DCAKD: variants seen among roughly 807,000 people sequenced by gnomAD.
The protein encoded by DCAKD is dephospho-CoA kinase domain containing.
A neutral mutation model predicts 18.7 loss-of-function variants in DCAKD; 15 were observed. That is an observed-to-expected ratio of 0.80 (90% confidence interval 0.54 to 1.24). The LOEUF (loss-of-function observed/expected upper bound fraction) is 1.24. Among genes scored for constraint, DCAKD ranks in the 50% most tolerant of loss-of-function variants. DCAKD has a pLI of 0.00. For synonymous variants in DCAKD, 130 were observed against 133.0 expected, an observed-to-expected ratio of 0.98 and a Z score of 0.16; for missense variants, 301 against 322.0, an observed-to-expected ratio of 0.93 and a Z score of 0.50.
intron 4 of DCAKD, among the ~76,000 whole-genome samples, chr17:45,027,143 C>T (rs1176869916): frequency 6.6e-6 from 1 of 152,140 alleles, no homozygotes; most frequent in Admixed American, 6.5e-5. Flanking sequence ...GAGCTTGAGA[C>T]CAGCCTGGGC....
upstream of DCAKD, chr17:45,054,076 A>C (rs1182751982): frequency 1.9e-6 from 1 of 518,848 alleles, no homozygotes; most frequent in East Asian, 5.5e-5. Context: ...TCCTGACTTC[A>C]ACAGTCAAGG....
chr17:45,028,257 C>T (rs1597940960), intron 4 of DCAKD, among the ~76,000 whole-genome samples: 2 of 151,378 alleles, frequency 1.3e-5, no homozygotes, highest in Admixed American at 1.3e-4. Flanking sequence ...TACAGGCGCC[C>T]ACCATGATGC....
chr17:45,029,878 A>C (rs2143193542), intron 4 of DCAKD, among the ~76,000 whole-genome samples: 3 of 149,860 alleles, frequency 2.0e-5, no homozygotes, highest in East Asian at 4.2e-4. Flanking sequence ...CCCAAACACT[A>C]GAGAAGCCCG....
intron 3 of DCAKD, chr17:45,031,372 C>T (rs138607080): frequency 2.0e-6 from 2 of 983,184 alleles, no homozygotes; most frequent in Non-Finnish European, 1.2e-6. Context: ...GTAGCCCCCC[C>T]ACCTTCCCCA....
Position 45,051,557 on chromosome 17 carries a change from CGCCTCCGCCGTGGCCCAG to C in DCAKD, c.-329_-312del, listed in dbSNP as rs1302234028. ...CCCGCGTGGCGCGCTACGTACCCAG[CGCCTCCGCCGTGGCCCAG>C]GCCTCCGCCTCTAGCCCAATCTCCG... On this transcript the variant is annotated 5_prime_UTR_variant, in exon 1 of 5. Transcript: ENST00000651974. 1 of 151,410 alleles carries C rather than the reference CGCCTCCGCCGTGGCCCAG, an allele frequency of 6.6e-6. No homozygotes were observed. The highest frequency in any genetic ancestry group is 1.5e-5 in the Non-Finnish European group (1 of 67,830). The allele number at this position is 151,410 out of a possible 1,614,324, so 9.4% of individuals were successfully genotyped here.
At chr17:45,049,713 C>CTTTTTTTTTTTTTT (rs57106886) in intron 1 of DCAKD, among the ~76,000 whole-genome samples, 9 of 111,870 alleles carry the variant, frequency 8.0e-5, no homozygotes, top group Admixed American at 3.5e-4. Context: ...TTTTCTTTTC[C>CTTTTTTTTTTTTTT]TTTTTTTTTT....
upstream of DCAKD, among the ~76,000 whole-genome samples, chr17:45,055,604 C>T (rs141408406): frequency 1.3e-4 from 20 of 152,208 alleles, no homozygotes; most frequent in African/African-American, 4.8e-4. Context: ...AAGTCTCAGG[C>T]ACCTGGACTT....
At position 45,044,725 on chromosome 17, in the gene DCAKD, AAATAAAT is replaced by A. The variant is rs1394585161; in HGVS notation, c.-115+6629_-115+6635del. Reference sequence around the variant, plus strand: ...TAAATAAATAAATAAATAAATAAATAAATAAATAAATAAAAGCTGTGGCAGAAGAGTT... The same window carrying A: ...TAAATAAATAAATAAATAAATAAATAAAATAAAAGCTGTGGCAGAAGAGTT... On this transcript the variant is annotated intron_variant, in intron 1 of 4. Coordinates refer to ENST00000651974, the MANE Select transcript of DCAKD (RefSeq NM_001288655.2). 1.5e-4 allele frequency among the ~76,000 whole-genome samples: 19 copies of A among 129,932 alleles called. No individual in the cohort carries two copies. In the East Asian group the frequency reaches 4.6e-3, roughly 32 times the overall value. The allele number at this position is 129,932 out of a possible 152,430, so 85.2% of individuals were successfully genotyped here. A position where few individuals can be genotyped will look rare whatever the true frequency, so the allele number is the denominator to read the frequency against.
chr17:45,057,394 A>G (rs547125647), intron 1 of DCAKD, among the ~76,000 whole-genome samples: 1 of 151,750 alleles, frequency 6.6e-6, no homozygotes, highest in South Asian at 2.1e-4. Flanking sequence ...TTCACAAACC[A>G]AAATTGTTTC....
intron 4 of DCAKD, chr17:45,026,708 C>T (rs1380543844): frequency 1.0e-6 from 1 of 985,278 alleles, no homozygotes; most frequent in African/African-American, 1.7e-5. Flanking sequence ...ATTATACGAG[C>T]TATAGATTTC....
At chr17:45,053,483 A>C (rs988362257), upstream of DCAKD, among the ~76,000 whole-genome samples, 1 of 151,910 alleles carries the variant, frequency 6.6e-6, no homozygotes. Context: ...GTGCAGTGGC[A>C]TGATCTCGGC....
At chr17:45,053,274 T>TTTGC (rs2053745722), upstream of DCAKD, among the ~76,000 whole-genome samples, 2 of 148,380 alleles carry the variant, frequency 1.3e-5, no homozygotes, top group African/African-American at 2.5e-5. Flanking sequence ...TGTTTGTTTG[T>TTTGC]TGAGACAGAG....
upstream of DCAKD, among the ~76,000 whole-genome samples, chr17:45,052,993 G>T (rs1043000134): frequency 6.7e-6 from 1 of 149,656 alleles, no homozygotes; most frequent in African/African-American, 2.5e-5. Flanking sequence ...GCAAAATCCC[G>T]TCTCTACTAA....
intron 1 of DCAKD, among the ~76,000 whole-genome samples, chr17:45,038,343 T>C (rs896352572): frequency 2.0e-5 from 3 of 152,056 alleles, no homozygotes; most frequent in African/African-American, 7.2e-5. Flanking sequence ...AGTTCTGATG[T>C]GTAACAGCGC....
intron 3 of DCAKD, chr17:45,032,107 C>T (rs1369552741): frequency 1.0e-6 from 1 of 985,412 alleles, no homozygotes. Flanking sequence ...CGAAGCCCTG[C>T]AGATATACCA....
intron 3 of DCAKD, chr17:45,032,125 G>A: frequency 3.0e-6 from 3 of 985,560 alleles, no homozygotes; most frequent in Non-Finnish European, 3.6e-6. Context: ...CCAGTAACTG[G>A]CATGGGAGAG....
intron 1 of DCAKD, among the ~76,000 whole-genome samples, chr17:45,042,243 C>T (rs2053456309): frequency 6.6e-6 from 1 of 152,208 alleles, no homozygotes; most frequent in Admixed American, 6.5e-5. Flanking sequence ...CATCTCTCAC[C>T]ACTCCCTTTA....
chr17:45,055,313 C>T (rs2053769121), upstream of DCAKD, among the ~76,000 whole-genome samples: 1 of 152,128 alleles, frequency 6.6e-6, no homozygotes, highest in African/African-American at 2.4e-5. Context: ...ACCCTGAGTC[C>T]ATTAGAGATG....
chr17:45,030,235 TGATGATA>T, intron 3 of DCAKD, 56 bp from the exon 4 acceptor site: 1 of 1,514,468 alleles, frequency 6.6e-7, no homozygotes, highest in Non-Finnish European at 9.2e-7. Flanking sequence ...CACTGAGGAC[TGATGATA>T]TGCTGGGCCC....
Sources: gnomAD v4.1 joint callset for allele counts (sites outside exome capture counted in the v4.1 genomes callset) on GRCh38, gnomAD v4.1.1 for gene constraint, MANE v1.5 for transcripts, NCBI Gene and HGNC (gene_info 2026-07-23, HGNC 2026-07-21) for gene names.